Variants in SOX5 observed in about 807,000 individuals in gnomAD.
SOX5 encodes the protein transcription factor SOX-5.
A neutral mutation model predicts 92.0 loss-of-function variants in SOX5; 9 were observed. That is an observed-to-expected ratio of 0.10 (90% CI 0.06 to 0.17). The LOEUF (loss-of-function observed/expected upper bound fraction) is 0.17. Among genes scored for constraint, SOX5 ranks in the 10% least tolerant of loss-of-function variants. The pLI is 1.00. For synonymous variants in SOX5, 344 were observed against 336.3 expected, an observed-to-expected ratio of 1.02 and a Z score of -0.25; for missense variants, 642 against 944.5, an observed-to-expected ratio of 0.68 and a Z score of 4.20.
chr12:23,869,138 TTAACC>T (rs1209698460), intron 2 of SOX5, among the ~76,000 whole-genome samples: 2 of 152,150 alleles, frequency 1.3e-5, no homozygotes, highest in African/African-American at 4.8e-5. Context: ...ATATAAATAC[TTAACC>T]TAATTCCTAG....
intron 2 of SOX5, among the ~76,000 whole-genome samples, chr12:24,367,293 G>A (rs1304546793): frequency 2.0e-5 from 3 of 152,128 alleles, no homozygotes; most frequent in African/African-American, 7.2e-5. Context: ...GCTGATTTAT[G>A]TTCTGTTGCC....
upstream of SOX5, among the ~76,000 whole-genome samples, chr12:23,953,348 T>A (rs1418471512): frequency 1.3e-5 from 2 of 152,104 alleles, no homozygotes; most frequent in East Asian, 3.8e-4. Context: ...TATGTGTTCA[T>A]GACTAGCGCA....
chr12:24,265,080 A>T (rs1484881734), intron 3 of SOX5, among the ~76,000 whole-genome samples: 1 of 152,176 alleles, frequency 6.6e-6, no homozygotes. Flanking sequence ...TCTTGGATGA[A>T]CTTGTTATCA....
intron 11 of SOX5, among the ~76,000 whole-genome samples, chr12:23,558,959 G>A (rs1288619282): frequency 3.3e-5 from 5 of 152,128 alleles, no homozygotes; most frequent in South Asian, 2.1e-4. Flanking sequence ...AGCGAAACTC[G>A]TTCCTAACAG....
chr12:23,831,098 A>G (rs2955528), intron 3 of SOX5, among the ~76,000 whole-genome samples: 79,717 of 151,932 alleles, frequency 0.52, 21,495 homozygotes, highest in Non-Finnish European at 0.59. Flanking sequence ...TTTTATATCT[A>G]TTTAGAGGAT....
chr12:23,751,243 C>T (rs144470575), intron 4 of SOX5, among the ~76,000 whole-genome samples: 1 of 151,968 alleles, frequency 6.6e-6, no homozygotes, highest in East Asian at 1.9e-4. Flanking sequence ...TTTCCAACCC[C>T]TTTGTAAAAA....
At chr12:23,975,625 A>T (rs540661146) in intron 4 of SOX5, among the ~76,000 whole-genome samples, 3 of 152,218 alleles carry the variant, frequency 2.0e-5, no homozygotes, top group Non-Finnish European at 4.4e-5. Flanking sequence ...ATCTGGGATT[A>T]CATCCTGTCT....
chr12:24,349,491 CT>C (rs1211371483), intron 2 of SOX5, among the ~76,000 whole-genome samples: 9 of 152,194 alleles, frequency 5.9e-5, no homozygotes, highest in African/African-American at 2.2e-4. Flanking sequence ...ATTTTGACTG[CT>C]TTAGGTACCC....
intron 4 of SOX5, among the ~76,000 whole-genome samples, chr12:24,016,948 T>C (rs562916791): frequency 6.6e-6 from 1 of 152,302 alleles, no homozygotes; most frequent in South Asian, 2.1e-4. Flanking sequence ...TATGTAAACC[T>C]TACAAGAAAT....
intron 4 of SOX5, among the ~76,000 whole-genome samples, chr12:23,742,823 T>A (rs527934937): frequency 9.9e-5 from 15 of 152,180 alleles, no homozygotes; most frequent in African/African-American, 3.4e-4. Flanking sequence ...AAGACTCCAT[T>A]TCTACAAAAT....
At chr12:24,160,067 G>GA (rs201159026) in intron 4 of SOX5, among the ~76,000 whole-genome samples, 37 of 148,102 alleles carry the variant, frequency 2.5e-4, no homozygotes, top group Admixed American at 7.4e-4. Flanking sequence ...TCGAACAATA[G>GA]AAAAAAAAAA....
intron 1 of SOX5, among the ~76,000 whole-genome samples, chr12:23,909,592 T>C (rs571049809): frequency 6.6e-6 from 1 of 152,294 alleles, no homozygotes; most frequent in East Asian, 1.9e-4. Context: ...TTACCATTTA[T>C]AGGTACTCAG....
chr12:24,495,271 A>G (rs1163936973), intron 1 of SOX5, among the ~76,000 whole-genome samples: 6 of 152,210 alleles, frequency 3.9e-5, no homozygotes, highest in African/African-American at 1.2e-4. Context: ...AAATATAAGT[A>G]AGATATGGAT....
At chr12:24,395,035 T>C (rs1959551318) in intron 1 of SOX5, among the ~76,000 whole-genome samples, 1 of 152,222 alleles carries the variant, frequency 6.6e-6, no homozygotes, top group East Asian at 1.9e-4. Context: ...AGTATTCTAC[T>C]ATAGCCAGCC....
Position 24,428,973 on chromosome 12 carries a change from T to G in SOX5, c.-250-60334A>C, listed in dbSNP as rs78200200. ...TTGGACAAGATAAATAACCTTTCTGTGCCTATTGCTGTGGTTATGAGCAAC... is the reference window on the plus strand; with the variant it reads ...TTGGACAAGATAAATAACCTTTCTGGGCCTATTGCTGTGGTTATGAGCAAC... On this transcript the variant is annotated intron_variant, in intron 1 of 4. Coordinates refer to the SOX5 transcript ENST00000446891. 3.1e-4 allele frequency among the ~76,000 whole-genome samples: 47 copies of G among 152,140 alleles called. 1 individual carries two copies. The East Asian group carries it at 8.7e-3, about 28-fold the overall frequency.
chr12:24,331,402 A>G (rs1275599718), intron 2 of SOX5: 1 of 152,214 alleles, frequency 6.6e-6, no homozygotes, highest in East Asian at 1.9e-4. Flanking sequence ...AAAACCTACA[A>G]TACAAAAAAT....
At chr12:23,783,654 T>C (rs2095324766) in intron 3 of SOX5, among the ~76,000 whole-genome samples, 1 of 152,216 alleles carries the variant, frequency 6.6e-6, no homozygotes, top group Non-Finnish European at 1.5e-5. Context: ...AAGGTGTTAA[T>C]TCATATGAAA....
intron 3 of SOX5, among the ~76,000 whole-genome samples, chr12:23,838,126 CAT>C (rs1205461157): frequency 1.2e-4 from 16 of 136,754 alleles, no homozygotes; most frequent in African/African-American, 4.0e-4. Flanking sequence ...ATTTATACAA[CAT>C]ATATTTATAT....
intron 1 of SOX5, among the ~76,000 whole-genome samples, chr12:24,512,582 T>C (rs1049470239): frequency 6.6e-6 from 1 of 152,170 alleles, no homozygotes; most frequent in African/African-American, 2.4e-5. Flanking sequence ...AAAGGAGTGG[T>C]GGAGAGTGCA....
Sources: gnomAD v4.1 joint callset for allele counts (sites outside exome capture counted in the v4.1 genomes callset) on GRCh38, gnomAD v4.1.1 for gene constraint, MANE v1.5 for transcripts, NCBI Gene and HGNC (gene_info 2026-07-23, HGNC 2026-07-21) for gene names.